Variants in SCRG1 observed in about 807,000 individuals in gnomAD.
SCRG1 encodes stimulator of chondrogenesis 1, also known as scrapie-responsive protein 1.
In SCRG1, 3 loss-of-function variants were observed where a neutral mutation model predicts 7.7. That is an observed-to-expected ratio of 0.39 (90% confidence interval 0.18 to 1.01). SCRG1 has a LOEUF of 1.01. SCRG1 is among the 50% of genes least tolerant of loss of function. The pLI, the probability that SCRG1 is intolerant of heterozygous loss-of-function variation, is 0.36. For missense variants in SCRG1, 110 were observed against 117.2 expected (o/e 0.94, Z 0.28); for synonymous variants, 46 against 41.2 (o/e 1.12, Z -0.44).
At chr4:173,468,685 A>G in the SCRG1 span, 1 of 152,218 alleles carries the variant, frequency 6.6e-6, no homozygotes, top group Non-Finnish European at 1.5e-5. Flanking sequence ...ATTGATCAGC[A>G]TTAGAAAGAA....
the SCRG1 span, among the ~76,000 whole-genome samples, chr4:173,482,374 T>C: frequency 6.6e-6 from 1 of 152,170 alleles, no homozygotes; most frequent in Non-Finnish European, 1.5e-5. Context: ...TCATGTGTAC[T>C]AGTGTAGAAG....
chr4:173,483,811 G>A, the SCRG1 span, among the ~76,000 whole-genome samples: 60 of 11,810 alleles, frequency 5.1e-3, 5 homozygotes, highest in African/African-American at 5.7e-3. Context: ...TATATGATAT[G>A]TAATATATAT....
chr4:173,504,785 T>A, the SCRG1 span, among the ~76,000 whole-genome samples: 1 of 152,318 alleles, frequency 6.6e-6, no homozygotes, highest in South Asian at 2.1e-4. The surrounding 1 kb of genome is among the most constrained non-coding windows in gnomAD (Gnocchi z 4.7). Flanking sequence ...CAATTCACAT[T>A]GGCAGCCTAA....
At chr4:173,402,667 A>G (rs985636632), upstream of SCRG1, among the ~76,000 whole-genome samples, 7 of 152,108 alleles carry the variant, frequency 4.6e-5, no homozygotes, top group Non-Finnish European at 7.4e-5. Context: ...CTAATTTAGA[A>G]TCTGCTGCTC....
chr4:173,484,404 A>T, the SCRG1 span, among the ~76,000 whole-genome samples: 4 of 76,552 alleles, frequency 5.2e-5, no homozygotes, highest in African/African-American at 5.4e-5. Flanking sequence ...ATTATATATT[A>T]TATACATATA....
chr4:173,506,435 G>A, the SCRG1 span, among the ~76,000 whole-genome samples: 1 of 152,142 alleles, frequency 6.6e-6, no homozygotes, highest in Non-Finnish European at 1.5e-5. The surrounding 1 kb of genome is among the most constrained non-coding windows in gnomAD (Gnocchi z 5.3). Flanking sequence ...CCTGGAACTT[G>A]TTTGGGTGCA....
At chr4:173,479,222 C>T in the SCRG1 span, among the ~76,000 whole-genome samples, 10 of 152,220 alleles carry the variant, frequency 6.6e-5, no homozygotes, top group South Asian at 2.1e-4. Flanking sequence ...GCCCAATTTA[C>T]GAGTCCAAGC....
the SCRG1 span, among the ~76,000 whole-genome samples, chr4:173,448,425 C>T: frequency 6.6e-6 from 1 of 152,182 alleles, no homozygotes; most frequent in South Asian, 2.1e-4. Context: ...CTTACCCATC[C>T]GCTCTTGTTG....
At chr4:173,470,520 G>A in the SCRG1 span, among the ~76,000 whole-genome samples, 1 of 152,076 alleles carries the variant, frequency 6.6e-6, no homozygotes, top group African/African-American at 2.4e-5. Flanking sequence ...ATCAAATAAC[G>A]AAGACCCAAA....
chr4:173,439,582 A>T, the SCRG1 span, among the ~76,000 whole-genome samples: 1 of 151,470 alleles, frequency 6.6e-6, no homozygotes, highest in Non-Finnish European at 1.5e-5. Context: ...ATACAAATAT[A>T]TAAAAATATA....
the SCRG1 span, among the ~76,000 whole-genome samples, chr4:173,505,304 C>A: frequency 6.6e-6 from 1 of 152,140 alleles, no homozygotes; most frequent in Non-Finnish European, 1.5e-5. This position sits in a 1 kb window ranked among gnomAD's most constrained non-coding sequence, Gnocchi z 4.4. Flanking sequence ...CAATGCCCAC[C>A]TGGAGTCAGT....
the SCRG1 span, among the ~76,000 whole-genome samples, chr4:173,447,039 T>C: frequency 1.3e-5 from 2 of 152,246 alleles, no homozygotes; most frequent in Non-Finnish European, 2.9e-5. Context: ...CACTGTGAGC[T>C]TCATAGCTTC....
the SCRG1 span, among the ~76,000 whole-genome samples, chr4:173,518,964 C>T: frequency 6.6e-6 from 1 of 151,742 alleles, no homozygotes; most frequent in African/African-American, 2.4e-5. Flanking sequence ...TCCTGTCCGC[C>T]GCGCCCCTAC....
At chr4:173,484,980 AAATAT>A in the SCRG1 span, among the ~76,000 whole-genome samples, 3 of 36,918 alleles carry the variant, frequency 8.1e-5, 1 homozygote, top group African/African-American at 3.2e-4. Flanking sequence ...ATAATATTAT[AAATAT>A]AATATATAAT....
chr4:173,410,929 T>C (rs563840100), upstream of SCRG1, among the ~76,000 whole-genome samples: 3 of 152,252 alleles, frequency 2.0e-5, no homozygotes, highest in East Asian at 3.9e-4. Context: ...ACCCATATAG[T>C]TGTTTGACTG....
At chr4:173,444,190 T>TTC in the SCRG1 span, among the ~76,000 whole-genome samples, 336 of 152,240 alleles carry the variant, frequency 2.2e-3, no homozygotes, top group Non-Finnish European at 3.8e-3. Context: ...GCCAGGCTGG[T>TTC]CTGAAACTCC....
the SCRG1 span, among the ~76,000 whole-genome samples, chr4:173,484,435 A>G: frequency 3.4e-4 from 12 of 35,156 alleles, no homozygotes; most frequent in East Asian, 1.6e-3. Flanking sequence ...TATATTATAT[A>G]CATATGATAT....
chr4:173,390,618 A>ACT (rs1739403517), intron 2 of SCRG1, among the ~76,000 whole-genome samples: 1 of 151,960 alleles, frequency 6.6e-6, no homozygotes, highest in East Asian at 1.9e-4. Context: ...GATTACAGGC[A>ACT]CATGCCACCA....
At chr4:173,407,761 A>C (rs1256937557), upstream of SCRG1, among the ~76,000 whole-genome samples, 1 of 152,216 alleles carries the variant, frequency 6.6e-6, no homozygotes, top group Non-Finnish European at 1.5e-5. Flanking sequence ...TAAAAGTGTA[A>C]ACAATGAACC....
Sources: allele counts gnomAD v4.1 joint callset (sites outside exome capture counted in the v4.1 genomes callset), GRCh38; gene constraint gnomAD v4.1.1; non-coding constraint Gnocchi (gnomAD v3.1); transcripts MANE v1.5; gene names NCBI Gene and HGNC (gene_info 2026-07-23, HGNC 2026-07-21).